Variants in SPPL3 observed in about 807,000 individuals in gnomAD.
SPPL3 encodes signal peptide peptidase-like 3.
SPPL3 carries 5 observed loss-of-function variants against 42.4 expected under a neutral mutation model. The ratio of observed to expected loss-of-function variants is 0.12; its 90% CI spans 0.06 to 0.25. The LOEUF (loss-of-function observed/expected upper bound fraction) is 0.25. Among genes scored for constraint, SPPL3 ranks in the 10% least tolerant of loss-of-function variants. The pLI, the probability that SPPL3 is intolerant of heterozygous loss-of-function variation, is 1.00. For synonymous variants in SPPL3, 195 were observed against 181.8 expected (o/e 1.07, Z -0.58); for missense variants, 235 against 489.0 (o/e 0.48, Z 4.90).
At chr12:120,820,003 G>GT (rs1871006125) in intron 1 of SPPL3, among the ~76,000 whole-genome samples, 1 of 152,072 alleles carries the variant, frequency 6.6e-6, no homozygotes, top group African/African-American at 2.4e-5. Context: ...TATGAAAACC[G>GT]TATGACCCTA....
At chr12:120,837,221 GC>G (rs1871650044) in intron 1 of SPPL3, among the ~76,000 whole-genome samples, 3 of 152,032 alleles carry the variant, frequency 2.0e-5, no homozygotes. Context: ...TTTTATTTTT[GC>G]CTAGTTTATC....
intron 1 of SPPL3, among the ~76,000 whole-genome samples, chr12:120,820,670 T>C (rs1871037970): frequency 6.6e-6 from 1 of 152,184 alleles, no homozygotes; most frequent in African/African-American, 2.4e-5. Flanking sequence ...TTTTCCACAT[T>C]TCCCCATATT....
At chr12:120,780,427 A>T (rs1289514627) in intron 6 of SPPL3, among the ~76,000 whole-genome samples, 2 of 151,788 alleles carry the variant, frequency 1.3e-5, no homozygotes, top group Non-Finnish European at 2.9e-5. Context: ...CAGCCTGAGC[A>T]ACAGAGTAAG....
intron 7 of SPPL3, 46 bp from the exon 8 acceptor site, chr12:120,768,534 CCTG>C (rs780864985): frequency 1.7e-5 from 27 of 1,570,806 alleles, no homozygotes; most frequent in Non-Finnish European, 2.2e-5. Context: ...TTGGAAGCAA[CCTG>C]CTTTCAGCAT....
At chr12:120,837,231 T>C (rs1871650284) in intron 1 of SPPL3, among the ~76,000 whole-genome samples, 1 of 152,236 alleles carries the variant, frequency 6.6e-6, no homozygotes, top group African/African-American at 2.4e-5. Context: ...GCCTAGTTTA[T>C]CTGCATTTGA....
At chr12:120,843,150 G>C (rs1244843904) in intron 1 of SPPL3, among the ~76,000 whole-genome samples, 2 of 152,118 alleles carry the variant, frequency 1.3e-5, no homozygotes, top group African/African-American at 2.4e-5. Flanking sequence ...CTACATGTCT[G>C]GGTTCACAGG....
rs533019583 is a variant in SPPL3, at chr12:120,903,277, C to CG, written c.23+567_23+568insC. On this transcript the variant is annotated intron_variant, in intron 1 of 10. Coordinates refer to ENST00000353487, the MANE Select transcript of SPPL3 (RefSeq NM_139015.5). ...CCTCCAAGGTTCGTGGACTCTACCC[C>CG]CGCAGTTTTCCTCCCCTCACTCCCG... 1,152 of 152,942 alleles carry CG rather than the reference C, an allele frequency of 7.5e-3. 12 individuals carry two copies. Among genetic ancestry groups the CG allele is most frequent in the African/African-American group, 0.026 (1,093 of 41,456 alleles). 9.5% of individuals were successfully genotyped at this position (152,942 alleles called of 1,614,324 possible).
At chr12:120,887,346 A>G (rs1873498905) in intron 1 of SPPL3, among the ~76,000 whole-genome samples, 1 of 152,158 alleles carries the variant, frequency 6.6e-6, no homozygotes, top group Non-Finnish European at 1.5e-5. Flanking sequence ...TGGGCAGTGC[A>G]GCTCTAGAAA....
intron 6 of SPPL3, among the ~76,000 whole-genome samples, chr12:120,771,878 C>T (rs939191443): frequency 6.6e-6 from 1 of 152,208 alleles, no homozygotes; most frequent in Non-Finnish European, 1.5e-5. Context: ...TCCCGCTCTC[C>T]ACACATACTG....
chr12:120,898,858 G>A (rs979428558), intron 1 of SPPL3, among the ~76,000 whole-genome samples: 15 of 152,172 alleles, frequency 9.9e-5, no homozygotes, highest in Non-Finnish European at 2.1e-4. Context: ...TATTATGATA[G>A]TATTTTGGTA....
At chr12:120,815,143 A>G (rs1051565201) in intron 1 of SPPL3, among the ~76,000 whole-genome samples, 1 of 152,176 alleles carries the variant, frequency 6.6e-6, no homozygotes, top group African/African-American at 2.4e-5. Flanking sequence ...AACATTCCTC[A>G]AAGTCAGATT....
chr12:120,793,332 T>TA (rs1210608728), intron 2 of SPPL3, among the ~76,000 whole-genome samples: 3 of 152,218 alleles, frequency 2.0e-5, no homozygotes, highest in East Asian at 1.9e-4. Context: ...CCTGTCTCTA[T>TA]AAAAAATAAA....
At chr12:120,817,853 T>G (rs571121424) in intron 1 of SPPL3, among the ~76,000 whole-genome samples, 20 of 152,286 alleles carry the variant, frequency 1.3e-4, no homozygotes, top group African/African-American at 4.8e-4. Flanking sequence ...TTCTGTTCTT[T>G]GCCCACACAA....
At chr12:120,827,543 A>G (rs142995624) in intron 1 of SPPL3, among the ~76,000 whole-genome samples, 11 of 152,218 alleles carry the variant, frequency 7.2e-5, no homozygotes, top group Admixed American at 6.5e-5. Context: ...TAGTTTGTCC[A>G]AGGTCAAACA....
At chr12:120,854,624 A>G (rs569285403) in intron 1 of SPPL3, among the ~76,000 whole-genome samples, 1 of 152,304 alleles carries the variant, frequency 6.6e-6, no homozygotes, top group Non-Finnish European at 1.5e-5. Flanking sequence ...AAGGCAAGAA[A>G]CCATTTTAAT....
chr12:120,834,551 T>C (rs1237600701), intron 1 of SPPL3, among the ~76,000 whole-genome samples: 1 of 152,146 alleles, frequency 6.6e-6, no homozygotes, highest in East Asian at 1.9e-4. Flanking sequence ...ACCAAGGAGA[T>C]GTTAGAAATC....
At chr12:120,885,047 T>G (rs1252640613) in intron 1 of SPPL3, among the ~76,000 whole-genome samples, 1 of 152,088 alleles carries the variant, frequency 6.6e-6, no homozygotes, top group Non-Finnish European at 1.5e-5. Context: ...CAGACTGCAC[T>G]CAGTTGGGAA....
chr12:120,904,283 C>CGGGCGG lies in SPPL3; in HGVS notation c.-422_-417dup, dbSNP rs1321838512. ...GGCGGCGGCCGGGGGACATGGCCGG[C>CGGGCGG]GGGCGGAGGCGGCGGCGACTGAGGG... On this transcript the variant is annotated 5_prime_UTR_variant, in exon 1 of 11. Coordinates refer to ENST00000353487, the MANE Select transcript of SPPL3 (RefSeq NM_139015.5). The CGGGCGG allele has an allele frequency of 6.1e-6, 1 of 164,842 alleles. No homozygotes were observed. The highest frequency in any genetic ancestry group is 1.3e-5 in the Non-Finnish European group (1 of 78,166). The allele number at this position is 164,842 out of a possible 1,614,324, so 10.2% of individuals were successfully genotyped here.
At chr12:120,772,849 T>C (rs1164674658) in intron 6 of SPPL3, among the ~76,000 whole-genome samples, 1 of 152,178 alleles carries the variant, frequency 6.6e-6, no homozygotes, top group African/African-American at 2.4e-5. Flanking sequence ...TCCACTATCA[T>C]CACTGTTATC....
Sources: allele counts gnomAD v4.1 joint callset (sites outside exome capture counted in the v4.1 genomes callset), GRCh38; gene constraint gnomAD v4.1.1; transcripts MANE v1.5; gene names NCBI Gene and HGNC (gene_info 2026-07-23, HGNC 2026-07-21).